Variants in VMP1 observed in about 807,000 individuals in gnomAD.
VMP1 encodes vacuole membrane protein 1, also known as ectopic P-granules autophagy protein 3 homolog.
In VMP1, 11 loss-of-function variants were observed where a neutral mutation model predicts 56.0. That is an observed-to-expected ratio of 0.20 (90% CI 0.12 to 0.32). The LOEUF is 0.32. Among genes scored for constraint, VMP1 ranks in the 10% least tolerant of loss-of-function variants. The pLI, the probability that VMP1 is intolerant of heterozygous loss-of-function variation, is 1.00. For missense variants in VMP1, 296 were observed against 490.3 expected (o/e 0.60, Z 3.74); for synonymous variants, 149 against 165.0 (o/e 0.90, Z 0.74).
intron 6 of VMP1, among the ~76,000 whole-genome samples, chr17:59,765,437 G>A (rs539231494): frequency 2.5e-4 from 38 of 152,230 alleles, no homozygotes; most frequent in Admixed American, 2.2e-3. Context: ...GTGGGTTAGG[G>A]GTGCCAACCC....
chr17:59,800,521 T>C (rs1194119776), intron 7 of VMP1, among the ~76,000 whole-genome samples: 1 of 152,218 alleles, frequency 6.6e-6, no homozygotes, highest in Non-Finnish European at 1.5e-5. Context: ...TTGAAACAGT[T>C]GCTCTGAGGC....
At chr17:59,778,391 A>C (rs1449940270) in intron 7 of VMP1, among the ~76,000 whole-genome samples, 1 of 151,982 alleles carries the variant, frequency 6.6e-6, no homozygotes. Flanking sequence ...ATACAAAAAA[A>C]AATTAGCTGG....
chr17:59,712,623 A>T (rs2033976219), intron 1 of VMP1, among the ~76,000 whole-genome samples: 1 of 152,208 alleles, frequency 6.6e-6, no homozygotes, highest in Non-Finnish European at 1.5e-5. Context: ...ATGAGGGTCT[A>T]AGAGAGAGTT....
At chr17:59,804,371 T>G (rs949546109) in intron 7 of VMP1, among the ~76,000 whole-genome samples, 9 of 152,228 alleles carry the variant, frequency 5.9e-5, no homozygotes, top group African/African-American at 2.2e-4. Flanking sequence ...CCCAGCACTT[T>G]GGGAGGCTGA....
intron 7 of VMP1, among the ~76,000 whole-genome samples, chr17:59,804,105 TA>T (rs1296617293): frequency 1.3e-5 from 2 of 151,934 alleles, no homozygotes; most frequent in South Asian, 2.1e-4. Flanking sequence ...AAAATCACAA[TA>T]AGAGCCGCCA....
At chr17:59,728,645 C>T (rs2034700009) in intron 1 of VMP1, among the ~76,000 whole-genome samples, 1 of 151,734 alleles carries the variant, frequency 6.6e-6, no homozygotes, top group Admixed American at 6.6e-5. Flanking sequence ...TCGAGACCAG[C>T]CTGGGCAACA....
In VMP1 at chr17:59,811,769, A is replaced by G; in HGVS notation, c.895A>G (p.Ile299Val). 1 of 1,610,508 alleles carries G rather than the reference A, an allele frequency of 6.2e-7. No homozygotes were observed. Among genetic ancestry groups the G allele is most frequent in the Non-Finnish European group, 8.5e-7 (1 of 1,176,792 alleles). The change falls in exon 9 of 12, where the codon ATA becomes GTA. Residue 299 changes from isoleucine to valine, a missense_variant. Ile to Val is a conservative substitution (Grantham distance 29). This residue lies in a region of VMP1 where 95 missense variants were observed against 137.6 expected (regional missense o/e 0.69). Coordinates refer to ENST00000262291, the MANE Select transcript of VMP1 (RefSeq NM_030938.5). ...FGATLIGKAI[I>V]KMHIQKIFVI... ...TGCAACCCTAATTGGAAAAGCAATA[A>G]TAAAAATGCATATCCAGGTAATTAT...
chr17:59,771,478 C>T (rs2036422132), intron 6 of VMP1, among the ~76,000 whole-genome samples: 2 of 151,822 alleles, frequency 1.3e-5, no homozygotes, highest in Non-Finnish European at 2.9e-5. Context: ...TTTAGTTACC[C>T]CGAGATATAG....
intron 7 of VMP1, among the ~76,000 whole-genome samples, chr17:59,801,505 C>T (rs1368574203): frequency 6.6e-6 from 1 of 152,054 alleles, no homozygotes; most frequent in Non-Finnish European, 1.5e-5. Context: ...CCTCCCATCT[C>T]GGCTTCCCAA....
chr17:59,816,641 T>TAA (rs1568202191), intron 9 of VMP1, among the ~76,000 whole-genome samples: 4 of 150,840 alleles, frequency 2.7e-5, no homozygotes. Context: ...CCATCTCTAC[T>TAA]AAAAATACAA....
chr17:59,715,569 G>A (rs1343630490), intron 1 of VMP1, among the ~76,000 whole-genome samples: 2 of 152,180 alleles, frequency 1.3e-5, no homozygotes, highest in Non-Finnish European at 2.9e-5. Context: ...CGGGATTACA[G>A]TTTAGGTGGG....
At chr17:59,722,011 AG>A (rs2034419567) in intron 1 of VMP1, among the ~76,000 whole-genome samples, 1 of 152,196 alleles carries the variant, frequency 6.6e-6, no homozygotes, top group Non-Finnish European at 1.5e-5. Flanking sequence ...CTCTGTGTCC[AG>A]GTAGAAGAGA....
intron 10 of VMP1, among the ~76,000 whole-genome samples, chr17:59,824,872 C>CAA (rs1204824277): frequency 0.033 from 2,077 of 62,780 alleles, 34 homozygotes; most frequent in Non-Finnish European, 0.04. Context: ...GACTCCGTCT[C>CAA]AAAAAAAAAA....
At chr17:59,820,965 C>CTTTTTTTTTTTTTTTT (rs201428600) in intron 10 of VMP1, among the ~76,000 whole-genome samples, 1 of 146,632 alleles carries the variant, frequency 6.8e-6, no homozygotes, top group Non-Finnish European at 1.5e-5. Context: ...GTCTTTCTTT[C>CTTTTTTTTTTTTTTTT]TTTTTTTTGT....
At chr17:59,736,463 A>G (rs4968393) in intron 3 of VMP1, among the ~76,000 whole-genome samples, 129,156 of 151,208 alleles carry the variant, frequency 0.85, 55,264 homozygotes, top group East Asian at 0.95. Context: ...CTACTCAGGA[A>G]AATCACTTGA....
rs1182813441 is a variant in VMP1, at chr17:59,784,136, T to TGAGA, written c.714+10252_714+10253insAGAG. On this transcript the variant is annotated intron_variant, in intron 7 of 11. Transcript: ENST00000262291. ...GTGTGTGTGTGTGTGTGTGTGTGTG[T>TGAGA]GTGTGTGAGAGAGAGAGAGAGATTG... 3.1e-3 allele frequency among the ~76,000 whole-genome samples: 421 copies of TGAGA among 136,218 alleles called. 1 individual carries two copies. The highest frequency in any genetic ancestry group is 0.012 in the African/African-American group (386 of 32,028). The allele number at this position is 136,218 out of a possible 152,430, so 89.4% of individuals were successfully genotyped here. A position where few individuals can be genotyped will look rare whatever the true frequency, so the allele number is the denominator to read the frequency against.
intron 1 of VMP1, among the ~76,000 whole-genome samples, chr17:59,714,580 T>C (rs2034075239): frequency 6.6e-6 from 1 of 152,096 alleles, no homozygotes; most frequent in Non-Finnish European, 1.5e-5. Context: ...TTTTCACCTT[T>C]TTCAAATGTA....
chr17:59,830,850 T>C (rs1468222363), intron 10 of VMP1, among the ~76,000 whole-genome samples: 3 of 152,116 alleles, frequency 2.0e-5, no homozygotes, highest in African/African-American at 7.2e-5. Flanking sequence ...AAGAAACAGG[T>C]TCTCCCTCTG....
chr17:59,768,471 T>C (rs938918528), intron 6 of VMP1, among the ~76,000 whole-genome samples: 1 of 151,508 alleles, frequency 6.6e-6, no homozygotes, highest in Admixed American at 6.6e-5. Context: ...GGCATGGTGG[T>C]GGGTGCCTGT....
Sources: allele counts gnomAD v4.1 joint callset (sites outside exome capture counted in the v4.1 genomes callset), GRCh38; gene constraint gnomAD v4.1.1; regional missense constraint gnomAD v4.1.1; transcripts MANE v1.5; gene names NCBI Gene and HGNC (gene_info 2026-07-23, HGNC 2026-07-21).